Variants in VPS13B observed in about 807,000 individuals in gnomAD.
VPS13B encodes the protein intermembrane lipid transfer protein VPS13B.
VPS13B carries 285 observed loss-of-function variants against 426.4 expected under a neutral mutation model. The ratio of observed to expected loss-of-function variants is 0.67; its 90% confidence interval spans 0.61 to 0.74. The LOEUF is 0.74. Among genes scored for constraint, VPS13B ranks in the 30% least tolerant of loss-of-function variants. The pLI is 0.00. For synonymous variants in VPS13B, 1,676 were observed against 1,676.4 expected (o/e 1.00, Z 0.01); for missense variants, 4,537 against 4,782.6 (o/e 0.95, Z 1.51).
At chr8:99,054,743 A>G (rs138454554) in intron 3 of VPS13B, among the ~76,000 whole-genome samples, 53 of 152,282 alleles carry the variant, frequency 3.5e-4, no homozygotes, top group Middle Eastern at 3.4e-3. Context: ...TGTATATGGA[A>G]TGATTAATTT....
intron 23 of VPS13B, among the ~76,000 whole-genome samples, chr8:99,450,294 C>CTT: frequency 6.6e-6 from 1 of 152,110 alleles, no homozygotes; most frequent in African/African-American, 2.4e-5. Flanking sequence ...ATAACTAAAG[C>CTT]AAAAATGAAA....
chr8:99,606,624 C>CTTTTTTTT (rs1193844207), intron 33 of VPS13B, among the ~76,000 whole-genome samples: 6 of 137,238 alleles, frequency 4.4e-5, no homozygotes, highest in African/African-American at 1.0e-4. Context: ...TTTTCTTTTT[C>CTTTTTTTT]TTTTCTTTTT....
chr8:99,543,334 C>T (rs553733732), intron 30 of VPS13B, among the ~76,000 whole-genome samples: 14 of 152,240 alleles, frequency 9.2e-5, no homozygotes, highest in South Asian at 2.1e-4. Context: ...AAGACTTAAA[C>T]GTTACACCTA....
At chr8:99,323,569 T>G (rs1453619797) in intron 19 of VPS13B, among the ~76,000 whole-genome samples, 1 of 152,154 alleles carries the variant, frequency 6.6e-6, no homozygotes, top group Non-Finnish European at 1.5e-5. Flanking sequence ...TATGTTTATA[T>G]CCCCAAAGCT....
intron 25 of VPS13B, among the ~76,000 whole-genome samples, chr8:99,484,621 A>T (rs73702019): frequency 6.6e-6 from 1 of 152,130 alleles, no homozygotes; most frequent in African/African-American, 2.4e-5. Context: ...TTCTTATGTC[A>T]TCATTTACTG....
At chr8:99,466,947 T>C (rs1819140851) in intron 23 of VPS13B, among the ~76,000 whole-genome samples, 1 of 152,168 alleles carries the variant, frequency 6.6e-6, no homozygotes, top group African/African-American at 2.4e-5. Flanking sequence ...TTCCTCTACA[T>C]TCTATCAGGC....
In VPS13B at chr8:99,383,133, C is replaced by T. The variant is rs189847233; in HGVS notation, c.2825-1075C>T. Among the ~76,000 whole-genome samples the T allele has an allele frequency of 1.1e-3, 173 of 152,244 alleles. 1 individual carries two copies. Among genetic ancestry groups the T allele is most frequent in the Non-Finnish European group, 1.9e-3 (132 of 68,004 alleles). On this transcript the variant is annotated intron_variant, in intron 19 of 61. Coordinates refer to ENST00000357162, the MANE Select transcript of VPS13B (RefSeq NM_152564.5). ...TACTCTGCTTTAGGTAAGTTCTATT[C>T]GAACTACTTTTCATCAGAAAGGGAC...
intron 35 of VPS13B, among the ~76,000 whole-genome samples, chr8:99,680,700 T>G (rs990428783): frequency 1.3e-5 from 2 of 152,194 alleles, no homozygotes; most frequent in Non-Finnish European, 2.9e-5. Flanking sequence ...TTGAAAATAA[T>G]CCATTTATTA....
intron 29 of VPS13B, 42 bp from the exon 30 acceptor site, chr8:99,520,857 C>T (rs1822348181): frequency 6.6e-7 from 1 of 1,508,302 alleles, no homozygotes; most frequent in Non-Finnish European, 9.2e-7. Context: ...AAGTTATGTA[C>T]AGATCCACAG....
intron 25 of VPS13B, among the ~76,000 whole-genome samples, 182 bp from the exon 26 acceptor site, chr8:99,501,505 T>C: frequency 6.6e-6 from 1 of 152,214 alleles, no homozygotes; most frequent in East Asian, 1.9e-4. Flanking sequence ...ATAAAAATCA[T>C]TTGAGAAGTG....
intron 17 of VPS13B, among the ~76,000 whole-genome samples, chr8:99,253,640 T>C (rs1006498009): frequency 1.3e-5 from 2 of 152,190 alleles, no homozygotes; most frequent in Non-Finnish European, 2.9e-5. Context: ...GAGTTTCTTA[T>C]TGACTCTTTA....
intron 35 of VPS13B, among the ~76,000 whole-genome samples, chr8:99,663,436 A>T (rs139269249): frequency 6.6e-6 from 1 of 152,360 alleles, no homozygotes; most frequent in East Asian, 1.9e-4. Context: ...ATTAAAGTGT[A>T]GGAAGAAGCC....
Position 99,580,323 on chromosome 8 carries a change from T to C in VPS13B, c.5220+2690T>C, listed in dbSNP as rs1318889625. Among the ~76,000 whole-genome samples, 78 of 133,882 alleles carry C rather than the reference T, an allele frequency of 5.8e-4. 1 individual carries two copies. The highest frequency in any genetic ancestry group is 6.3e-5 in the Non-Finnish European group (4 of 63,834). 87.8% of individuals were successfully genotyped at this position (133,882 alleles called of 152,430 possible). A position where few individuals can be genotyped will look rare whatever the true frequency, so the allele number is the denominator to read the frequency against. ...TATGTATAATTAATATATATAACAT[T>C]AAATATATATATATATATTTCTTTT... On this transcript the variant is annotated intron_variant, in intron 33 of 61. Transcript: ENST00000357162.
chr8:99,476,892 G>A (rs915372552), intron 24 of VPS13B, among the ~76,000 whole-genome samples: 2 of 152,182 alleles, frequency 1.3e-5, no homozygotes, highest in East Asian at 1.9e-4. Flanking sequence ...TGGCCATTGA[G>A]TTTGCTCATT....
At chr8:99,372,257 A>C (rs1405417500) in intron 19 of VPS13B, among the ~76,000 whole-genome samples, 36 of 151,754 alleles carry the variant, frequency 2.4e-4, no homozygotes, top group Non-Finnish European at 7.4e-5. Flanking sequence ...CTCAAAAAAA[A>C]AAAAAAAACA....
intron 39 of VPS13B, among the ~76,000 whole-genome samples, chr8:99,764,345 T>C (rs1365292292): frequency 3.9e-5 from 6 of 152,014 alleles, no homozygotes; most frequent in Non-Finnish European, 8.8e-5. Context: ...TTAACCCACA[T>C]GTTCTCATCC....
chr8:99,041,332 A>G (rs967479003), intron 3 of VPS13B, among the ~76,000 whole-genome samples: 2 of 152,236 alleles, frequency 1.3e-5, no homozygotes, highest in Non-Finnish European at 1.5e-5. Flanking sequence ...TTGATTTCAG[A>G]TACACAGTTT....
chr8:99,431,256 T>C (rs1274560406), intron 21 of VPS13B, among the ~76,000 whole-genome samples: 2 of 152,218 alleles, frequency 1.3e-5, no homozygotes, highest in Non-Finnish European at 2.9e-5. Context: ...ATGTAATTAA[T>C]AAATAGAACG....
intron 3 of VPS13B, among the ~76,000 whole-genome samples, chr8:99,080,179 C>T (rs1300918263): frequency 1.3e-5 from 2 of 151,624 alleles, no homozygotes; most frequent in Non-Finnish European, 2.9e-5. Context: ...TATATTCTGT[C>T]ACTCTTTGGA....
Sources: allele counts gnomAD v4.1 joint callset (sites outside exome capture counted in the v4.1 genomes callset), GRCh38; gene constraint gnomAD v4.1.1; transcripts MANE v1.5; gene names NCBI Gene and HGNC (gene_info 2026-07-23, HGNC 2026-07-21).